The following SLF1 variants were observed in gnomAD, a reference collection of about 807,000 sequenced individuals.
SLF1 encodes SMC5-SMC6 complex localization factor protein 1.
A neutral mutation model predicts 123.0 loss-of-function variants in SLF1; 105 were observed. The ratio of observed to expected loss-of-function variants is 0.85; its 90% confidence interval spans 0.73 to 1.00. The LOEUF is 1.00. Among genes scored for constraint, SLF1 ranks in the 50% least tolerant of loss-of-function variants. The pLI, the probability that SLF1 is intolerant of heterozygous loss-of-function variation, is 0.00. For missense variants in SLF1, 1,239 were observed against 1,223.0 expected (o/e 1.01, Z -0.20); for synonymous variants, 434 against 406.6 (o/e 1.07, Z -0.81).
intron 4 of SLF1, among the ~76,000 whole-genome samples, chr5:94,641,842 T>G (rs980353900): frequency 5.3e-5 from 8 of 152,222 alleles, no homozygotes; most frequent in Non-Finnish European, 8.8e-5. Context: ...AGCTAAATTC[T>G]GCCTTGTACA....
In SLF1 at chr5:94,684,039, G is replaced by A. The variant is rs541440814; in HGVS notation, c.1976-2534G>A. Among the ~76,000 whole-genome samples the A allele has an allele frequency of 4.6e-5, 7 of 151,768 alleles. No individual in the cohort carries two copies. The South Asian group carries it at 6.2e-4, about 14-fold the overall frequency. Reference sequence around the variant, plus strand: ...TGACTTTGTGGCCTGGTAATATGTCGACCTGTCATATTAATACTTTGTATT... The same window carrying A: ...TGACTTTGTGGCCTGGTAATATGTCAACCTGTCATATTAATACTTTGTATT... On this transcript the variant is annotated intron_variant, in intron 15 of 20. Coordinates refer to ENST00000265140, the MANE Select transcript of SLF1 (RefSeq NM_032290.4).
chr5:94,662,345 C>T lies in SLF1; in HGVS notation c.1203C>T (p.Asn401=), dbSNP rs183227030. 159 of 1,547,894 alleles carry T rather than the reference C, an allele frequency of 1.0e-4. No homozygotes were observed. Among genetic ancestry groups the T allele is most frequent in the Admixed American group, 6.9e-4 (35 of 50,594 alleles). ...CIRIDKQPVY[N]VEVKNAEFPR... ...GAATAGATAAACAACCAGTGTACAA[C>T]GTAGAGGTAAGGGGCTTGGAGCAGC... Residue 401 remains asparagine (N), a synonymous_variant, in exon 10 of 21, where the codon AAC becomes AAT. Transcript: ENST00000265140.
intron 14 of SLF1, among the ~76,000 whole-genome samples, chr5:94,675,079 A>G (rs1750892112): frequency 6.6e-6 from 1 of 152,234 alleles, no homozygotes; most frequent in African/African-American, 2.4e-5. Flanking sequence ...TTATGTTTGC[A>G]TCTTTCCAAC....
At chr5:94,660,485 T>G (rs1748962773) in intron 9 of SLF1, among the ~76,000 whole-genome samples, 1 of 152,130 alleles carries the variant, frequency 6.6e-6, no homozygotes, top group Non-Finnish European at 1.5e-5. Context: ...GCTGTGCTAG[T>G]AGTCGGAGTA....
At chr5:94,694,586 GTATT>G (rs1228857873) in intron 20 of SLF1, among the ~76,000 whole-genome samples, 1 of 151,686 alleles carries the variant, frequency 6.6e-6, no homozygotes, top group Non-Finnish European at 1.5e-5. Context: ...ATTTGTAGTT[GTATT>G]TATTATTTAT....
At chr5:94,670,477 A>G (rs1309315217) in intron 13 of SLF1, among the ~76,000 whole-genome samples, 198 bp downstream of exon 13, 1 of 151,562 alleles carries the variant, frequency 6.6e-6, no homozygotes, top group African/African-American at 2.4e-5. Flanking sequence ...AAATTTCCTC[A>G]GTTCACTTCC....
chr5:94,618,659 G>A (rs1429482852), upstream of SLF1: 1 of 154,652 alleles, frequency 6.5e-6, no homozygotes, highest in Non-Finnish European at 1.5e-5. Context: ...CGCGCGGCGG[G>A]AAATTGTTTC....
intron 9 of SLF1, among the ~76,000 whole-genome samples, chr5:94,658,799 A>G (rs928016697): frequency 2.7e-5 from 4 of 146,834 alleles, no homozygotes; most frequent in South Asian, 2.2e-4. Flanking sequence ...GCCTTCCCAT[A>G]TGTCATTTAG....
intron 14 of SLF1, 34 bp downstream of exon 14, chr5:94,671,042 T>C (rs1750378163): frequency 7.2e-7 from 1 of 1,382,966 alleles, no homozygotes; most frequent in South Asian, 1.4e-5. Context: ...GAATAGTCTA[T>C]GGAAACAGCA....
At chr5:94,651,337 T>G (rs1338350960) in intron 6 of SLF1, among the ~76,000 whole-genome samples, 1 of 152,228 alleles carries the variant, frequency 6.6e-6, no homozygotes, top group Non-Finnish European at 1.5e-5. Flanking sequence ...TATATATGTC[T>G]TCTTGAGTTC....
At chr5:94,659,797 C>T (rs1350844016) in intron 9 of SLF1, among the ~76,000 whole-genome samples, 1 of 152,064 alleles carries the variant, frequency 6.6e-6, no homozygotes, top group African/African-American at 2.4e-5. Flanking sequence ...TAGGCCAATC[C>T]CTGTGCCTCC....
chr5:94,661,375 A>T (rs1363319136), intron 9 of SLF1, among the ~76,000 whole-genome samples: 1 of 152,018 alleles, frequency 6.6e-6, no homozygotes, highest in African/African-American at 2.4e-5. Flanking sequence ...TGCTTGCCTC[A>T]GAGATTCCCT....
At chr5:94,659,986 A>C (rs1425895784) in intron 9 of SLF1, among the ~76,000 whole-genome samples, 3 of 152,122 alleles carry the variant, frequency 2.0e-5, no homozygotes, top group Non-Finnish European at 2.9e-5. Context: ...CAGGTGGCAC[A>C]TGTGGGTGGT....
At chr5:94,671,053 C>T in intron 14 of SLF1, 45 bp downstream of exon 14, 1 of 1,309,644 alleles carries the variant, frequency 7.6e-7, no homozygotes, top group Non-Finnish European at 1.0e-6. Context: ...GGAAACAGCA[C>T]TTTGAATTAT....
chr5:94,623,038 C>T (rs1178169314), intron 1 of SLF1, among the ~76,000 whole-genome samples: 1 of 151,990 alleles, frequency 6.6e-6, no homozygotes, highest in African/African-American at 2.4e-5. Context: ...TCTCTGAGCT[C>T]AATTTTCAAC....
In SLF1 at chr5:94,670,291, T is replaced by C. The variant is rs1750288972; in HGVS notation, c.1661+12T>C. 4.1e-6 allele frequency: 6 copies of C among 1,455,034 alleles called. No homozygotes were observed. Among genetic ancestry groups the C allele is most frequent in the Non-Finnish European group, 5.4e-6 (6 of 1,108,878 alleles). 90.1% of individuals were successfully genotyped at this position (1,455,034 alleles called of 1,614,324 possible). A position where few individuals can be genotyped will look rare whatever the true frequency, so the allele number is the denominator to read the frequency against. On this transcript the variant is annotated intron_variant, in intron 13 of 20. Coordinates refer to ENST00000265140, the MANE Select transcript of SLF1 (RefSeq NM_032290.4). ...CATCTGAGTCAAAAGTAAGTTCTAATCGCAAGAATAACACTTTTCTAAATT... is the reference window on the plus strand; with the variant it reads ...CATCTGAGTCAAAAGTAAGTTCTAACCGCAAGAATAACACTTTTCTAAATT...
Position 94,653,958 on chromosome 5 carries a change from T to C in SLF1, c.1032+537T>C, listed in dbSNP as rs143653989. On this transcript the variant is annotated intron_variant, in intron 8 of 20. Coordinates refer to ENST00000265140, the MANE Select transcript of SLF1 (RefSeq NM_032290.4). Reference sequence around the variant, plus strand: ...GGCCAACGGGGCAGATTGCTTGAGCTCTGCAGTTGGAGACCAGACTGGGCA... The same window carrying C: ...GGCCAACGGGGCAGATTGCTTGAGCCCTGCAGTTGGAGACCAGACTGGGCA... Among the ~76,000 whole-genome samples the C allele has an allele frequency of 6.0e-4, 91 of 152,168 alleles. 1 individual carries two copies. In the East Asian group the frequency reaches 0.015, roughly 26 times the overall value.
chr5:94,643,372 A>G lies in SLF1; in HGVS notation c.531A>G (p.Lys177=). The G allele has an allele frequency of 1.3e-6, 2 of 1,543,874 alleles. No homozygotes were observed. Among genetic ancestry groups the G allele is most frequent in the Non-Finnish European group, 1.8e-6 (2 of 1,142,352 alleles). ...GTAATGCAAGAATTAAAGCTGAGAAAGAAAAAGATAACTTTAAGGCTCCAT... is the reference window on the plus strand; with the variant it reads ...GTAATGCAAGAATTAAAGCTGAGAAGGAAAAAGATAACTTTAAGGCTCCAT... ...IASNARIKAE[K]EKDNFKAPFY... Residue 177 remains lysine (K), a synonymous_variant, in exon 5 of 21, where the codon AAA becomes AAG. Transcript: ENST00000265140.
chr5:94,626,848 T>TA (rs1252067850), intron 1 of SLF1, among the ~76,000 whole-genome samples: 2 of 152,226 alleles, frequency 1.3e-5, no homozygotes, highest in African/African-American at 4.8e-5. Context: ...CACATCCATT[T>TA]AGTTGTCTCA....
Sources: gnomAD v4.1 joint callset for allele counts (sites outside exome capture counted in the v4.1 genomes callset) on GRCh38, gnomAD v4.1.1 for gene constraint, MANE v1.5 for transcripts, NCBI Gene and HGNC (gene_info 2026-07-23, HGNC 2026-07-21) for gene names.